Variants in OSBPL9 observed in about 807,000 individuals in gnomAD.
OSBPL9 encodes oxysterol-binding protein-related protein 9.
In OSBPL9, 40 loss-of-function variants were observed where a neutral mutation model predicts 106.6. The observed-to-expected ratio is 0.38, with a 90% CI of 0.29 to 0.49. OSBPL9 has a LOEUF of 0.49. OSBPL9 is among the 20% of genes least tolerant of loss of function. The pLI is 0.97. For synonymous variants in OSBPL9, 269 were observed against 295.4 expected (o/e 0.91, Z 0.92); for missense variants, 609 against 887.2 (o/e 0.69, Z 3.98).
intron 4 of OSBPL9, among the ~76,000 whole-genome samples, chr1:51,731,251 C>G (rs1279880477): frequency 1.3e-5 from 2 of 151,664 alleles, no homozygotes; most frequent in East Asian, 3.9e-4. Flanking sequence ...GCCTGGGCAA[C>G]AAAGCCAGAA....
upstream of OSBPL9, among the ~76,000 whole-genome samples, chr1:51,616,112 C>T (rs956852560): frequency 6.7e-6 from 1 of 150,090 alleles, no homozygotes; most frequent in South Asian, 2.1e-4. Flanking sequence ...ATTCTTGTGC[C>T]TCAGCTAGGA....
chr1:51,682,285 G>T (rs1261158600), intron 3 of OSBPL9, among the ~76,000 whole-genome samples: 1 of 151,730 alleles, frequency 6.6e-6, no homozygotes, highest in African/African-American at 2.4e-5. Context: ...TCTTTAATTG[G>T]TTGAATCCAC....
the OSBPL9 span, among the ~76,000 whole-genome samples, chr1:51,522,466 A>G: frequency 1.3e-5 from 2 of 152,166 alleles, no homozygotes; most frequent in African/African-American, 4.8e-5. Context: ...CCAAATTCCC[A>G]AAAAAGGCCT....
intron 2 of OSBPL9, among the ~76,000 whole-genome samples, chr1:51,655,998 C>T (rs1249193959): frequency 6.6e-6 from 1 of 152,188 alleles, no homozygotes; most frequent in African/African-American, 2.4e-5. Flanking sequence ...GGTTTGTTTA[C>T]AATACAGTTA....
At chr1:51,559,819 A>G in the OSBPL9 span, among the ~76,000 whole-genome samples, 4 of 152,150 alleles carry the variant, frequency 2.6e-5, no homozygotes, top group Admixed American at 2.0e-4. Context: ...TATGTTTACA[A>G]GATGTAGAAA....
chr1:51,606,617 A>C (rs1426920594), intron 2 of OSBPL9, among the ~76,000 whole-genome samples: 1 of 152,258 alleles, frequency 6.6e-6, no homozygotes, highest in Non-Finnish European at 1.5e-5. Flanking sequence ...AGGCAGGCAC[A>C]TGATTATAAA....
intron 14 of OSBPL9, among the ~76,000 whole-genome samples, chr1:51,776,621 T>C (rs957419968): frequency 1.3e-5 from 2 of 152,200 alleles, no homozygotes; most frequent in African/African-American, 4.8e-5. Flanking sequence ...TCAAAAGTCT[T>C]TCTCTGTTTT....
At chr1:51,589,184 G>C (rs1645261394) in intron 1 of OSBPL9, among the ~76,000 whole-genome samples, 1 of 152,018 alleles carries the variant, frequency 6.6e-6, no homozygotes, top group Non-Finnish European at 1.5e-5. Context: ...GAACTCCCGG[G>C]CTCAAGTGAT....
chr1:51,533,386 T>C, the OSBPL9 span, among the ~76,000 whole-genome samples: 1 of 150,170 alleles, frequency 6.7e-6, no homozygotes, highest in Non-Finnish European at 1.5e-5. Context: ...CTCTGGAGGC[T>C]GAGGCAGGAG....
chr1:51,700,882 T>C (rs1045101812), intron 3 of OSBPL9, among the ~76,000 whole-genome samples: 9 of 152,340 alleles, frequency 5.9e-5, no homozygotes, highest in Non-Finnish European at 1.2e-4. Context: ...TAATTATTGC[T>C]GTGGTGTTGG....
chr1:51,611,073 A>G (rs894311691), intron 2 of OSBPL9, among the ~76,000 whole-genome samples: 1 of 152,228 alleles, frequency 6.6e-6, no homozygotes, highest in Non-Finnish European at 1.5e-5. Context: ...GGGACACTGG[A>G]AGGAGAAGAC....
At chr1:51,615,615 T>C (rs1644034425), upstream of OSBPL9, among the ~76,000 whole-genome samples, 1 of 152,190 alleles carries the variant, frequency 6.6e-6, no homozygotes, top group African/African-American at 2.4e-5. Flanking sequence ...TCGATCTAAA[T>C]AATAATTTTA....
At chr1:51,761,261 T>G (rs1000264231) in intron 10 of OSBPL9, among the ~76,000 whole-genome samples, 2 of 151,976 alleles carry the variant, frequency 1.3e-5, no homozygotes, top group African/African-American at 4.8e-5. Flanking sequence ...TTTTGTTTTT[T>G]TTTTTTTTGT....
chr1:51,534,507 C>T, the OSBPL9 span, among the ~76,000 whole-genome samples: 1 of 152,282 alleles, frequency 6.6e-6, no homozygotes, highest in East Asian at 1.9e-4. Context: ...AAGCTCCTCT[C>T]AGAAAGGGGT....
chr1:51,758,106 A>AT (rs1379000280), intron 9 of OSBPL9, among the ~76,000 whole-genome samples: 1 of 152,102 alleles, frequency 6.6e-6, no homozygotes, highest in African/African-American at 2.4e-5. Context: ...TAGCATAGTT[A>AT]TTTTTTCTAT....
intron 1 of OSBPL9, among the ~76,000 whole-genome samples, chr1:51,584,716 CAAAAT>C (rs779814302): frequency 3.3e-5 from 5 of 152,092 alleles, no homozygotes; most frequent in Non-Finnish European, 7.4e-5. Context: ...GACTCCGTCT[CAAAAT>C]AAAATAAAAT....
At chr1:51,662,937 G>T (rs1350050353) in intron 2 of OSBPL9, among the ~76,000 whole-genome samples, 1 of 151,710 alleles carries the variant, frequency 6.6e-6, no homozygotes. Context: ...GTAGAGATGG[G>T]GTTTCACCGT....
chr1:51,601,175 C>T (rs541472758), intron 2 of OSBPL9, among the ~76,000 whole-genome samples: 2 of 152,300 alleles, frequency 1.3e-5, no homozygotes, highest in South Asian at 4.1e-4. Context: ...CAGCATTGCC[C>T]TGTAGCTCCA....
chr1:51,774,877 A>T (rs1017965966), intron 14 of OSBPL9, among the ~76,000 whole-genome samples: 1 of 151,988 alleles, frequency 6.6e-6, no homozygotes, highest in African/African-American at 2.4e-5. Flanking sequence ...AAAAATATTT[A>T]TTTTTTTTAA....
Sources: allele counts gnomAD v4.1 joint callset (sites outside exome capture counted in the v4.1 genomes callset), GRCh38; gene constraint gnomAD v4.1.1; transcripts MANE v1.5; gene names NCBI Gene and HGNC (gene_info 2026-07-23, HGNC 2026-07-21).